Variants in OPCML observed in about 807,000 individuals in gnomAD.
OPCML encodes opioid-binding protein/cell adhesion molecule.
Under a neutral mutation model 37.8 loss-of-function variants are expected in OPCML, and 13 were observed. The observed-to-expected ratio is 0.34, with a 90% CI of 0.22 to 0.55. OPCML has a LOEUF of 0.55. OPCML is among the 20% of genes least tolerant of loss of function. OPCML has a pLI of 0.91. For missense variants in OPCML, 341 were observed against 435.6 expected (o/e 0.78, Z 1.93); for synonymous variants, 176 against 168.8 (o/e 1.04, Z -0.33).
intron 2 of OPCML, among the ~76,000 whole-genome samples, chr11:132,877,862 AG>A (rs1291480935): frequency 6.6e-6 from 1 of 152,244 alleles, no homozygotes; most frequent in Non-Finnish European, 1.5e-5. Context: ...ATATGGTCAT[AG>A]GAACATTGCC....
At chr11:132,849,825 G>A (rs536367303) in intron 2 of OPCML, among the ~76,000 whole-genome samples, 51 of 152,316 alleles carry the variant, frequency 3.3e-4, no homozygotes, top group African/African-American at 1.1e-3. Flanking sequence ...CGGGGCAAAT[G>A]AGGCCACACA....
intron 3 of OPCML, among the ~76,000 whole-genome samples, chr11:132,555,079 T>C (rs1026268749): frequency 5.3e-5 from 8 of 151,954 alleles, no homozygotes; most frequent in Non-Finnish European, 1.2e-4. Flanking sequence ...CCAGCATGAT[T>C]CCCTCTGAGA....
chr11:133,352,054 A>G (rs917615911), intron 1 of OPCML, among the ~76,000 whole-genome samples: 1 of 152,098 alleles, frequency 6.6e-6, no homozygotes, highest in Non-Finnish European at 1.5e-5. Context: ...CTTCTAACTT[A>G]CTTTCCTATT....
At chr11:132,736,121 T>C (rs1945247689) in intron 2 of OPCML, among the ~76,000 whole-genome samples, 1 of 152,186 alleles carries the variant, frequency 6.6e-6, no homozygotes, top group Admixed American at 6.5e-5. Flanking sequence ...TTTTGAATGG[T>C]ACAATTGACA....
chr11:132,989,848 T>C lies in OPCML; in HGVS notation c.62-46838A>G, dbSNP rs1946743807. Among the ~76,000 whole-genome samples, 10 of 152,282 alleles carry C rather than the reference T, an allele frequency of 6.6e-5. 1 individual carries two copies. The South Asian group carries it at 2.1e-3, about 32-fold the overall frequency. On this transcript the variant is annotated intron_variant, in intron 1 of 7. Transcript: ENST00000524381. ...TCTCTTACCCATATGAGGTTGGTTTTCAAAGAAAATAAAGCCTTCCACTGC... is the reference window on the plus strand; with the variant it reads ...TCTCTTACCCATATGAGGTTGGTTTCCAAAGAAAATAAAGCCTTCCACTGC...
chr11:133,070,611 A>G (rs1177185094), intron 1 of OPCML, among the ~76,000 whole-genome samples: 1 of 152,224 alleles, frequency 6.6e-6, no homozygotes, highest in Non-Finnish European at 1.5e-5. Flanking sequence ...ATTCCAAAGA[A>G]GGTGCAACTG....
intron 1 of OPCML, among the ~76,000 whole-genome samples, chr11:133,051,511 G>C (rs372260757): frequency 6.6e-6 from 1 of 152,094 alleles, no homozygotes; most frequent in East Asian, 1.9e-4. Flanking sequence ...AGGTTTTGCT[G>C]GGTTTTTGTT....
chr11:132,715,411 T>C (rs1368026648), intron 2 of OPCML, among the ~76,000 whole-genome samples: 1 of 152,220 alleles, frequency 6.6e-6, no homozygotes, highest in Non-Finnish European at 1.5e-5. Flanking sequence ...ATTTGGATTT[T>C]ATCCTCAGCT....
chr11:133,324,324 G>A (rs1943402204), intron 1 of OPCML, among the ~76,000 whole-genome samples: 2 of 152,138 alleles, frequency 1.3e-5, no homozygotes, highest in South Asian at 2.1e-4. Context: ...CAAGATGTGA[G>A]AAGTTTCTGA....
intron 3 of OPCML, among the ~76,000 whole-genome samples, chr11:132,564,942 A>C (rs1242839360): frequency 6.6e-6 from 1 of 152,158 alleles, no homozygotes; most frequent in Non-Finnish European, 1.5e-5. Context: ...TTATTGTGGA[A>C]CTTCTGTTTC....
rs1409544586 is a variant in OPCML at position 133,499,793 on chromosome 11, T to C, written c.61+32471A>G. Among the ~76,000 whole-genome samples the C allele has an allele frequency of 2.1e-4, 29 of 138,438 alleles. 1 individual carries two copies. In the South Asian group the frequency reaches 5.0e-3, roughly 24 times the overall value. The allele number at this position is 138,438 out of a possible 152,430, so 90.8% of individuals were successfully genotyped here. A position where few individuals can be genotyped will look rare whatever the true frequency, so the allele number is the denominator to read the frequency against. On this transcript the variant is annotated intron_variant, in intron 1 of 7. Transcript: ENST00000524381. ...ATAAATATATATATATATATACACA[T>C]ATATATATGTGTGTGTATATATATA...
At chr11:133,107,248 C>A (rs972462450) in intron 1 of OPCML, among the ~76,000 whole-genome samples, 1 of 152,152 alleles carries the variant, frequency 6.6e-6, no homozygotes, top group Non-Finnish European at 1.5e-5. Flanking sequence ...TTAACTGGAA[C>A]TTATAAGGAC....
chr11:132,900,118 T>C (rs1437626506), intron 2 of OPCML, among the ~76,000 whole-genome samples: 1 of 152,162 alleles, frequency 6.6e-6, no homozygotes, highest in Non-Finnish European at 1.5e-5. Context: ...CCTGTACAAC[T>C]TGCATTCTTT....
intron 3 of OPCML, among the ~76,000 whole-genome samples, chr11:132,615,027 T>C (rs916713174): frequency 6.6e-6 from 1 of 152,246 alleles, no homozygotes; most frequent in Non-Finnish European, 1.5e-5. Context: ...AATGCACATG[T>C]ATTTTATTCT....
intron 1 of OPCML, among the ~76,000 whole-genome samples, chr11:133,296,181 C>T (rs554364558): frequency 8.5e-5 from 13 of 152,248 alleles, no homozygotes; most frequent in African/African-American, 2.4e-4. Context: ...TGCCTGAATC[C>T]GAGTGAAAAA....
chr11:133,073,182 C>T (rs578046516), intron 1 of OPCML, among the ~76,000 whole-genome samples: 7 of 152,308 alleles, frequency 4.6e-5, no homozygotes, highest in Non-Finnish European at 4.4e-5. Context: ...GGGTTCTTAA[C>T]GATCTCAGAC....
At chr11:132,451,091 G>A (rs543323860) in intron 4 of OPCML, among the ~76,000 whole-genome samples, 3 of 152,192 alleles carry the variant, frequency 2.0e-5, no homozygotes, top group Non-Finnish European at 4.4e-5. Context: ...CCCTAAAGAG[G>A]CTTGAGCTTA....
chr11:132,949,376 T>C (rs1482715783), intron 1 of OPCML, among the ~76,000 whole-genome samples: 1 of 152,194 alleles, frequency 6.6e-6, no homozygotes, highest in Non-Finnish European at 1.5e-5. Context: ...TGAACAATGG[T>C]GCACACAACT....
chr11:132,851,393 A>AC (rs1377686838), intron 2 of OPCML, among the ~76,000 whole-genome samples: 2 of 152,082 alleles, frequency 1.3e-5, no homozygotes, highest in Admixed American at 1.3e-4. Flanking sequence ...AATCTGAAGA[A>AC]CCCCAGGTCT....
Sources: gnomAD v4.1 joint callset for allele counts (sites outside exome capture counted in the v4.1 genomes callset) on GRCh38, gnomAD v4.1.1 for gene constraint, MANE v1.5 for transcripts, NCBI Gene and HGNC (gene_info 2026-07-23, HGNC 2026-07-21) for gene names.